Variants in MIA3 observed in about 807,000 individuals in gnomAD.
MIA3 encodes the protein transport and Golgi organization protein 1 homolog.
In MIA3, 90 loss-of-function variants were observed where a neutral mutation model predicts 192.4. That is an observed-to-expected ratio of 0.47 (90% confidence interval 0.39 to 0.56). MIA3 has a LOEUF of 0.56. Ranked by LOEUF, MIA3 falls within the 20% of genes least tolerant of loss-of-function variation. The probability of loss-of-function intolerance (pLI) is 0.00; values close to 1 mark genes in which losing one functional copy is unlikely to be tolerated. For synonymous variants in MIA3, 740 were observed against 792.8 expected (o/e 0.93, Z 1.12); for missense variants, 2,123 against 2,269.4 (o/e 0.94, Z 1.31).
chr1:222,654,592 C>T, intron 17 of MIA3, 63 bp from the exon 18 acceptor site: 2 of 1,581,460 alleles, frequency 1.3e-6, no homozygotes, highest in Non-Finnish European at 8.7e-7. Context: ...CAGCACCAGC[C>T]CCCAACCAAG....
Position 222,624,847 on chromosome 1 carries a change from C to T in MIA3, c.347C>T (p.Pro116Leu), listed in dbSNP as rs1312991758. ...HEYTKEELQVPTDETDFVCFD... is the reference protein window; with the variant it reads ...HEYTKEELQVLTDETDFVCFD... ...TATACCAAAGAAGAGCTACAAGTTC[C>T]AACAGATGTAAGTTGTGGATTTCTG... is the stretch of plus-strand genomic sequence containing the variant. The change falls in exon 3 of 28, where the codon CCA becomes CTA. Residue 116 changes from proline (P) to leucine (L), a missense_variant. Around this residue, in one of 3 missense-constraint regions of MIA3, gnomAD observed 1,357 missense variants for 1,396.1 expected, o/e 0.97. Coordinates refer to ENST00000344922, the MANE Select transcript of MIA3 (RefSeq NM_198551.4). The T allele has an allele frequency of 1.3e-6, 2 of 1,578,696 alleles. 1 individual carries two copies. The highest frequency in any genetic ancestry group is 3.3e-5 in the Admixed American group (2 of 59,734).
Position 222,652,012 on chromosome 1 carries a change from G to A in MIA3, c.3945G>A (p.Lys1315=), listed in dbSNP as rs1379128333. Residue 1315 remains lysine (K), a synonymous_variant, in exon 12 of 28, where the codon AAG becomes AAA. Coordinates refer to ENST00000344922, the MANE Select transcript of MIA3 (RefSeq NM_198551.4). ...SENKKSIEKL[K]DVISMNASEF... ...ACAAGAAATCTATAGAGAAGTTAAA[G>A]GATGTTATTTCAATGAATGCCTCAG... The A allele has an allele frequency of 6.3e-7, 1 of 1,580,158 alleles. No individual in the cohort carries two copies. Among genetic ancestry groups the A allele is most frequent in the Non-Finnish European group, 8.7e-7 (1 of 1,149,376 alleles).
At chr1:222,625,111 G>A (rs1000899182) in intron 3 of MIA3, among the ~76,000 whole-genome samples, 6 of 151,764 alleles carry the variant, frequency 4.0e-5, no homozygotes, top group Admixed American at 2.6e-4. Flanking sequence ...CTGGGTTCAC[G>A]CCATTCTCCT....
chr1:222,635,791 C>T (rs887377648), intron 6 of MIA3, among the ~76,000 whole-genome samples: 11 of 152,262 alleles, frequency 7.2e-5, no homozygotes, highest in Admixed American at 3.9e-4. Flanking sequence ...AGTCCAACTT[C>T]TCAGTAGTCA....
intron 4 of MIA3, 149 bp downstream of exon 4, chr1:222,630,538 A>G (rs912045892): frequency 1.4e-6 from 1 of 726,046 alleles, no homozygotes; most frequent in Admixed American, 3.2e-5. Context: ...CCTTCCTGCC[A>G]TCTTTCTTTT....
At position 222,628,960 on chromosome 1, in the gene MIA3, A is replaced by C; in HGVS notation, c.1740A>C (p.Ala580=). ...RKIQQESLGS[A]PLMGDDHPNA... is the part of the protein sequence containing the mutation. Reference sequence around the variant, plus strand: ...TTCAACAGGAATCCCTGGGTAGTGCACCACTCATGGGAGATGACCACCCTA... The same window carrying C: ...TTCAACAGGAATCCCTGGGTAGTGCCCCACTCATGGGAGATGACCACCCTA... Residue 580 remains alanine (A), a synonymous_variant, in exon 4 of 28, where the codon GCA becomes GCC. Transcript: ENST00000344922. The C allele has an allele frequency of 6.2e-7, 1 of 1,614,186 alleles. No homozygotes were observed. The highest frequency in any genetic ancestry group is 8.5e-7 in the Non-Finnish European group (1 of 1,180,016).
In MIA3 at chr1:222,653,294, A is replaced by T. The variant is rs1030614001; in HGVS notation, c.4276A>T (p.Lys1426Ter). The T allele has an allele frequency of 6.2e-7, 1 of 1,613,918 alleles. No homozygotes were observed. Among genetic ancestry groups the T allele is most frequent in the Non-Finnish European group, 8.5e-7 (1 of 1,179,908 alleles). The change falls in exon 15 of 28, where the codon AAA (lysine) becomes TAA (stop). Residue 1426 changes from lysine to a stop codon, truncating the protein, a stop_gained. Coordinates refer to ENST00000344922, the MANE Select transcript of MIA3 (RefSeq NM_198551.4). LOFTEE classifies it high-confidence loss of function. Reference protein sequence around the residue: ...ECESESEGQNKGGNDSDELAN... With the variant: ...ECESESEGQN ...TGAATCTGAATCTGAGGGTCAAAAT[A>T]AAGGTGGAAATGATTCAGATGAATT... is the stretch of plus-strand genomic sequence containing the variant.
At chr1:222,634,115 T>A (rs938548610) in intron 6 of MIA3, among the ~76,000 whole-genome samples, 1 of 149,130 alleles carries the variant, frequency 6.7e-6, no homozygotes, top group African/African-American at 2.6e-5. Flanking sequence ...GTGCTGGGAT[T>A]ACAGGCGTGA....
At chr1:222,649,359 C>T (rs898868135) in intron 8 of MIA3, 2 of 152,274 alleles carry the variant, frequency 1.3e-5, no homozygotes, top group African/African-American at 4.8e-5. Flanking sequence ...AAATTAAACT[C>T]TCATTGAAAT....
intron 26 of MIA3, 158 bp from the exon 27 acceptor site, chr1:222,663,840 A>G: frequency 1.5e-6 from 1 of 663,600 alleles, no homozygotes; most frequent in Admixed American, 2.7e-5. Context: ...TAAGCTTGTC[A>G]GTGGGAACAA....
intron 19 of MIA3, 165 bp from the exon 20 acceptor site, chr1:222,659,288 T>G: frequency 1.6e-6 from 1 of 611,982 alleles, no homozygotes; most frequent in East Asian, 2.8e-5. Context: ...ATCATTAGTT[T>G]TCATCATATT....
intron 1 of MIA3, among the ~76,000 whole-genome samples, chr1:222,619,147 G>A (rs971725799): frequency 2.0e-5 from 3 of 152,192 alleles, no homozygotes; most frequent in Non-Finnish European, 4.4e-5. Flanking sequence ...GATGAAGAAG[G>A]TTATTACAGG....
At chr1:222,647,318 G>A (rs1663196007) in intron 7 of MIA3, among the ~76,000 whole-genome samples, 1 of 151,972 alleles carries the variant, frequency 6.6e-6, no homozygotes, top group African/African-American at 2.4e-5. Context: ...TAACATAATT[G>A]GGAGAAGATT....
chr1:222,661,726 A>G (rs1380405700), intron 24 of MIA3, among the ~76,000 whole-genome samples: 2 of 152,204 alleles, frequency 1.3e-5, no homozygotes, highest in Non-Finnish European at 2.9e-5. Flanking sequence ...TGAATCCTAA[A>G]TATGTCTATA....
rs1350974508 is a variant in MIA3 at position 222,629,373 on chromosome 1, C to G, written c.2153C>G (p.Ser718Cys). 6 of 1,614,130 alleles carry G rather than the reference C, an allele frequency of 3.7e-6. No individual in the cohort carries two copies. The Admixed American group carries it at 5.0e-5, about 13-fold the overall frequency. The change falls in exon 4 of 28, where the codon TCT (serine) becomes TGT (cysteine). Residue 718 changes from serine to cysteine, a missense_variant. Physicochemically the swap from Ser to Cys is moderately radical, Grantham distance 112. This residue lies in a region of MIA3 where 1,357 missense variants were observed against 1,396.1 expected (regional missense o/e 0.97). Transcript: ENST00000344922. ...TDSTGGPAFL[S>C]KVEEDDYPSE... ...AGCACAGGAGGACCAGCTTTCCTTTCTAAAGTAGAAGAGGATGATTATCCC... is the reference window on the plus strand; with the variant it reads ...AGCACAGGAGGACCAGCTTTCCTTTGTAAAGTAGAAGAGGATGATTATCCC...
chr1:222,628,981 C>T lies in MIA3; in HGVS notation c.1761C>T (p.His587=), dbSNP rs775881835. The change falls in exon 4 of 28, where the codon CAC becomes CAT. Residue 587 remains histidine, a synonymous_variant. Transcript: ENST00000344922. ...LGSAPLMGDD[H]PNASRDSVEG... ...GTGCACCACTCATGGGAGATGACCACCCTAACGCATCCAGAGACAGTGTGG... is the reference window on the plus strand; with the variant it reads ...GTGCACCACTCATGGGAGATGACCATCCTAACGCATCCAGAGACAGTGTGG... The T allele has an allele frequency of 5.0e-6, 8 of 1,614,028 alleles. No individual in the cohort carries two copies. Among genetic ancestry groups the T allele is most frequent in the Non-Finnish European group, 5.1e-6 (6 of 1,180,028 alleles).
Position 222,632,281 on chromosome 1 carries a change from T to C in MIA3, c.3286T>C (p.Ser1096Pro). 6.2e-7 allele frequency: 1 copy of C among 1,614,112 alleles called. No homozygotes were observed. The highest frequency in any genetic ancestry group is 1.1e-5 in the South Asian group (1 of 91,082). ...DQRVIGDTHA[S>P]EVSQKPNTEK... ...ACGTGTGATTGGGGACACTCATGCC[T>C]CAGAAGTGTCACAGAAGCCAAATAC... is the stretch of plus-strand genomic sequence containing the variant. The change falls in exon 5 of 28, where the codon TCA (serine) becomes CCA (proline). Residue 1096 changes from serine to proline, a missense_variant. This residue lies in a region of MIA3 where 1,357 missense variants were observed against 1,396.1 expected (regional missense o/e 0.97). Coordinates refer to ENST00000344922, the MANE Select transcript of MIA3 (RefSeq NM_198551.4).
chr1:222,659,458 G>A lies in MIA3; in HGVS notation c.4715G>A (p.Arg1572Lys). Residue 1572 changes from arginine (R) to lysine (K), a missense_variant, in exon 20 of 28, where the codon AGA (arginine) becomes AAA (lysine). By Grantham distance (26) the Arg-to-Lys change is conservative. This residue lies in a region of MIA3 where 762 missense variants were observed against 856.4 expected (regional missense o/e 0.89). Transcript: ENST00000344922. Reference sequence around the variant, plus strand: ...AAGCCAAGTGTAATTCTTAGGCGGAGAATTGAAGAAATGGAGGATGAATTA... The same window carrying A: ...AAGCCAAGTGTAATTCTTAGGCGGAAAATTGAAGAAATGGAGGATGAATTA... ...AAEEVKTYKR[R>K]IEEMEDELQK... 1 of 1,613,682 alleles carries A rather than the reference G, an allele frequency of 6.2e-7. No individual in the cohort carries two copies. Among genetic ancestry groups the A allele is most frequent in the Non-Finnish European group, 8.5e-7 (1 of 1,179,780 alleles).
Position 222,630,275 on chromosome 1 carries a change from G to C in MIA3, c.3055G>C (p.Asp1019His). ...NNIFEEAAVL[D>H]DIQDLIYFVR... Reference sequence around the variant, plus strand: ...CATATTTGAAGAGGCTGCAGTGCTTGATGACATTCAAGACCTCATCTATTT... The same window carrying C: ...CATATTTGAAGAGGCTGCAGTGCTTCATGACATTCAAGACCTCATCTATTT... The change falls in exon 4 of 28, where the codon GAT (aspartate) becomes CAT (histidine). Residue 1019 changes from aspartate (D) to histidine (H), a missense_variant. Asp to His is a moderately conservative substitution (Grantham distance 81). Transcript: ENST00000344922. 1 of 1,614,244 alleles carries C rather than the reference G, an allele frequency of 6.2e-7. No individual in the cohort carries two copies.
Sources: gnomAD v4.1 joint callset for allele counts (sites outside exome capture counted in the v4.1 genomes callset) on GRCh38, gnomAD v4.1.1 for gene constraint, gnomAD v4.1.1 regional missense constraint, MANE v1.5 for transcripts, NCBI Gene and HGNC (gene_info 2026-07-23, HGNC 2026-07-21) for gene names.